Variants in CCSER2 observed in about 807,000 individuals in gnomAD.
The protein encoded by CCSER2 is coiled-coil serine rich protein 2.
CCSER2 carries 46 observed loss-of-function variants against 92.3 expected under a neutral mutation model. That is an observed-to-expected ratio of 0.50 (90% CI 0.39 to 0.64). CCSER2 has a LOEUF of 0.64. Among genes scored for constraint, CCSER2 ranks in the 30% least tolerant of loss-of-function variants. CCSER2 has a pLI of 0.00. For missense variants in CCSER2, 1,244 were observed against 1,238.9 expected, an observed-to-expected ratio of 1.00 and a Z score of -0.06; for synonymous variants, 433 against 431.4, an observed-to-expected ratio of 1.00 and a Z score of -0.04.
chr10:84,403,218 A>T (rs1293583645), intron 3 of CCSER2, among the ~76,000 whole-genome samples: 2 of 152,312 alleles, frequency 1.3e-5, no homozygotes, highest in East Asian at 3.9e-4. Context: ...TACTGAAACA[A>T]TTGGATATCC....
At position 84,463,680 on chromosome 10, in the gene CCSER2, G is replaced by A. The variant is rs113701362; in HGVS notation, c.2065-253G>A. Among the ~76,000 whole-genome samples the A allele has an allele frequency of 9.1e-4, 139 of 152,190 alleles. 1 individual carries two copies. The highest frequency in any genetic ancestry group is 3.1e-3 in the African/African-American group (129 of 41,522). On this transcript the variant is annotated intron_variant, in intron 6 of 9. Transcript: ENST00000372088. ...TGCTTAATGGTTCTGTATTTCAGCC[G>A]CTTATATAGTATCCGTTATTTACTT...
rs1167460274 is a variant in CCSER2 at position 84,501,834 on chromosome 10, A to AAAAAATAT, written c.2326-11614_2326-11613insAAAATATA. On this transcript the variant is annotated intron_variant, in intron 9 of 9. Coordinates refer to ENST00000372088, the MANE Select transcript of CCSER2 (RefSeq NM_001284240.2). Reference sequence around the variant, plus strand: ...TTAGTCATCTAGGGAAAAAAAAAAAAATATATATATATATATATATATATA... The same window carrying AAAAAATAT: ...TTAGTCATCTAGGGAAAAAAAAAAAAAAAAATATATATATATATATATATATATATATA... Among the ~76,000 whole-genome samples, 91 of 40,166 alleles carry AAAAAATAT rather than the reference A, an allele frequency of 2.3e-3. 3 individuals carry two copies. The highest frequency in any genetic ancestry group is 3.9e-3 in the African/African-American group (83 of 21,384). The allele number at this position is 40,166 out of a possible 152,430, so 26.4% of individuals were successfully genotyped here.
chr10:84,404,718 A>G (rs1842292124), intron 3 of CCSER2, among the ~76,000 whole-genome samples: 3 of 152,236 alleles, frequency 2.0e-5, no homozygotes, highest in South Asian at 4.1e-4. Context: ...ATGTTGCAAG[A>G]TACAAAATCA....
At chr10:84,341,934 C>T (rs1260379265) in intron 1 of CCSER2, among the ~76,000 whole-genome samples, 2 of 152,202 alleles carry the variant, frequency 1.3e-5, no homozygotes, top group East Asian at 3.9e-4. Context: ...GGGTGTACCA[C>T]TCTCCAGATA....
intron 1 of CCSER2, among the ~76,000 whole-genome samples, chr10:84,366,358 A>T (rs1334439516): frequency 1.3e-5 from 2 of 152,142 alleles, no homozygotes; most frequent in Non-Finnish European, 1.5e-5. Flanking sequence ...ACATTAAGAG[A>T]TTATGAATTT....
chr10:84,498,312 G>T (rs1242320481), intron 9 of CCSER2, among the ~76,000 whole-genome samples: 1 of 152,158 alleles, frequency 6.6e-6, no homozygotes, highest in Admixed American at 6.5e-5. Flanking sequence ...AGCATCTGGG[G>T]TCATCACCTT....
chr10:84,450,213 C>T (rs1322634251), intron 6 of CCSER2, among the ~76,000 whole-genome samples: 1 of 152,094 alleles, frequency 6.6e-6, no homozygotes, highest in Non-Finnish European at 1.5e-5. Context: ...TTAACCTGTA[C>T]CCAGTACATT....
At chr10:84,491,306 GC>G (rs1483919829) in intron 9 of CCSER2, among the ~76,000 whole-genome samples, 1 of 152,214 alleles carries the variant, frequency 6.6e-6, no homozygotes, top group African/African-American at 2.4e-5. Flanking sequence ...GGTTTCTGCT[GC>G]CTTTTGTTTG....
At chr10:84,429,958 G>A (rs1160400044) in intron 5 of CCSER2, among the ~76,000 whole-genome samples, 1 of 151,330 alleles carries the variant, frequency 6.6e-6, no homozygotes, top group Non-Finnish European at 1.5e-5. Flanking sequence ...TTTTGTGGTT[G>A]TTTACTGACT....
chr10:84,357,641 G>A (rs1270879414), intron 1 of CCSER2, among the ~76,000 whole-genome samples: 3 of 152,044 alleles, frequency 2.0e-5, no homozygotes, highest in Non-Finnish European at 4.4e-5. Context: ...TAGTAGAGAC[G>A]GGGTTTCACC....
At chr10:84,393,930 T>A (rs574365687) in intron 3 of CCSER2, 35 of 152,320 alleles carry the variant, frequency 2.3e-4, no homozygotes, top group African/African-American at 8.4e-4. Flanking sequence ...CAAACTGATA[T>A]TGATACTTTC....
At position 84,417,827 on chromosome 10, in the gene CCSER2, T is replaced by C; in HGVS notation, c.1671T>C (p.Asp557=). The change falls in exon 4 of 10, where the codon GAT becomes GAC. Residue 557 remains aspartate, a synonymous_variant. Transcript: ENST00000372088. The part of the protein sequence containing the change: ...CDLEDDDLML[D]VDLPEDAPLE... ...TTGAGGATGATGATCTTATGCTTGATGTGGATCTGCCTGAGGATGCACCTC... is the reference window on the plus strand; with the variant it reads ...TTGAGGATGATGATCTTATGCTTGACGTGGATCTGCCTGAGGATGCACCTC... 6.3e-7 allele frequency: 1 copy of C among 1,595,334 alleles called. No homozygotes were observed. Among genetic ancestry groups the C allele is most frequent in the South Asian group, 1.1e-5 (1 of 90,698 alleles).
chr10:84,505,596 T>TA (rs1177481024), intron 9 of CCSER2, among the ~76,000 whole-genome samples: 35 of 152,192 alleles, frequency 2.3e-4, no homozygotes, highest in Admixed American at 6.5e-5. Flanking sequence ...AGTAACTCAG[T>TA]AAAAAAACTT....
intron 3 of CCSER2, among the ~76,000 whole-genome samples, chr10:84,403,619 A>T (rs969605720): frequency 2.6e-5 from 4 of 152,190 alleles, no homozygotes; most frequent in African/African-American, 9.6e-5. Context: ...GAAAAGGAGT[A>T]AGAGACTTTG....
Position 84,493,194 on chromosome 10 carries a change from T to A in CCSER2, c.2325+15530T>A, listed in dbSNP as rs368277051. The stretch of plus-strand genomic sequence containing the variant: ...TCATCTTGGATGAATTTTGATAGTT[T>A]GTGGTTTTGAGGAATTGGCCCTTTT... On this transcript the variant is annotated intron_variant, in intron 9 of 9. Coordinates refer to ENST00000372088, the MANE Select transcript of CCSER2 (RefSeq NM_001284240.2). 3.8e-4 allele frequency among the ~76,000 whole-genome samples: 58 copies of A among 152,322 alleles called. No homozygotes were observed. The East Asian group carries it at 9.6e-3, about 25-fold the overall frequency.
At chr10:84,427,305 T>G (rs1843487880) in intron 5 of CCSER2, among the ~76,000 whole-genome samples, 1 of 152,170 alleles carries the variant, frequency 6.6e-6, no homozygotes, top group African/African-American at 2.4e-5. Context: ...GGGGTGTTGG[T>G]GCTGGTTTTG....
At chr10:84,340,483 A>G (rs1844116040) in intron 1 of CCSER2, among the ~76,000 whole-genome samples, 1 of 152,152 alleles carries the variant, frequency 6.6e-6, no homozygotes, top group East Asian at 1.9e-4. Flanking sequence ...AGCAATTCGA[A>G]TAGTGTTCTT....
chr10:84,449,731 G>A (rs1433382418), intron 6 of CCSER2, among the ~76,000 whole-genome samples: 8 of 152,046 alleles, frequency 5.3e-5, no homozygotes, highest in African/African-American at 1.9e-4. Context: ...GCGCATGCCT[G>A]TAATGATCAG....
At chr10:84,378,752 A>G (rs999094215) in intron 3 of CCSER2, among the ~76,000 whole-genome samples, 13 of 152,128 alleles carry the variant, frequency 8.5e-5, no homozygotes, top group Admixed American at 3.3e-4. Flanking sequence ...TAATTTTTAG[A>G]AAAGAGATAG....
Sources: gnomAD v4.1 joint callset for allele counts (sites outside exome capture counted in the v4.1 genomes callset) on GRCh38, gnomAD v4.1.1 for gene constraint, MANE v1.5 for transcripts, NCBI Gene and HGNC (gene_info 2026-07-23, HGNC 2026-07-21) for gene names.